Variants in DLG2 observed in about 807,000 individuals in gnomAD.
The protein encoded by DLG2 is disks large homolog 2.
A neutral mutation model predicts 132.5 loss-of-function variants in DLG2; 45 were observed. The ratio of observed to expected loss-of-function variants is 0.34; its 90% CI spans 0.27 to 0.44. The LOEUF is 0.44. Among genes scored for constraint, DLG2 ranks in the 20% least tolerant of loss-of-function variants. The probability of loss-of-function intolerance (pLI) is 1.00; values close to 1 mark genes in which losing one functional copy is unlikely to be tolerated. For synonymous variants in DLG2, 424 were observed against 419.6 expected, an observed-to-expected ratio of 1.01 and a Z score of -0.13; for missense variants, 1,045 against 1,196.9, an observed-to-expected ratio of 0.87 and a Z score of 1.87.
chr11:85,145,815 A>C (rs919911933), intron 5 of DLG2, among the ~76,000 whole-genome samples: 1 of 151,562 alleles, frequency 6.6e-6, no homozygotes, highest in Non-Finnish European at 1.5e-5. Flanking sequence ...TATTTCCACC[A>C]CTCTAGAATT....
chr11:84,101,673 G>A (rs1245348232), intron 9 of DLG2, among the ~76,000 whole-genome samples: 1 of 151,906 alleles, frequency 6.6e-6, no homozygotes, highest in Non-Finnish European at 1.5e-5. Flanking sequence ...CAGAGGTTTG[G>A]GAAGAAAAAA....
chr11:83,554,123 A>G (rs1263349662), intron 19 of DLG2, among the ~76,000 whole-genome samples: 4 of 151,964 alleles, frequency 2.6e-5, no homozygotes, highest in African/African-American at 9.7e-5. Flanking sequence ...GGTTCAAGCA[A>G]TCCTCCTGCC....
intron 18 of DLG2, among the ~76,000 whole-genome samples, chr11:83,713,378 C>T (rs980118310): frequency 3.9e-5 from 6 of 152,148 alleles, no homozygotes; most frequent in Admixed American, 6.5e-5. Context: ...GCATAAAAGA[C>T]GGATTTCCAG....
intron 19 of DLG2, among the ~76,000 whole-genome samples, chr11:83,571,638 T>C (rs777289925): frequency 5.3e-5 from 8 of 151,548 alleles, no homozygotes; most frequent in Non-Finnish European, 8.8e-5. Flanking sequence ...AAGAGAGGCA[T>C]GTGCATTAAT....
intron 7 of DLG2, among the ~76,000 whole-genome samples, chr11:84,315,170 C>A (rs1239775911): frequency 6.6e-6 from 1 of 152,012 alleles, no homozygotes; most frequent in Non-Finnish European, 1.5e-5. Flanking sequence ...TATTTCAATC[C>A]TTGAAAGCAT....
At chr11:83,701,724 C>G (rs1436563056) in intron 18 of DLG2, among the ~76,000 whole-genome samples, 12 of 152,158 alleles carry the variant, frequency 7.9e-5, no homozygotes, top group Admixed American at 7.9e-4. Context: ...TGTGTATATA[C>G]AAGGCATTCA....
intron 18 of DLG2, among the ~76,000 whole-genome samples, chr11:83,759,729 A>G (rs749299047): frequency 2.0e-5 from 3 of 152,164 alleles, no homozygotes; most frequent in Non-Finnish European, 2.9e-5. Context: ...GTGGTTTTAA[A>G]TGGAGAAAGA....
At chr11:83,723,855 CA>C (rs935848911) in intron 18 of DLG2, among the ~76,000 whole-genome samples, 41 of 150,866 alleles carry the variant, frequency 2.7e-4, no homozygotes, top group Non-Finnish European at 4.3e-4. Context: ...GATCACATCT[CA>C]AAAAAAATAA....
intron 3 of DLG2, among the ~76,000 whole-genome samples, chr11:85,391,930 C>G (rs1199427986): frequency 2.0e-5 from 3 of 152,126 alleles, no homozygotes; most frequent in Admixed American, 1.3e-4. Flanking sequence ...ACTAGAAGCC[C>G]TAGCCAGAGC....
At chr11:84,152,007 G>A (rs1422344927) in intron 9 of DLG2, among the ~76,000 whole-genome samples, 1 of 152,170 alleles carries the variant, frequency 6.6e-6, no homozygotes, top group African/African-American at 2.4e-5. Flanking sequence ...CAGACAAGAA[G>A]AATGTACTTT....
intron 6 of DLG2, among the ~76,000 whole-genome samples, chr11:84,985,650 T>G (rs1446779074): frequency 6.6e-6 from 1 of 151,530 alleles, no homozygotes; most frequent in African/African-American, 2.4e-5. Flanking sequence ...TAAATGAAAC[T>G]GAAACAAAAT....
intron 6 of DLG2, among the ~76,000 whole-genome samples, chr11:84,693,658 A>G (rs1323147581): frequency 6.6e-6 from 1 of 151,564 alleles, no homozygotes; most frequent in Non-Finnish European, 1.5e-5. Context: ...TAAAGCCCCA[A>G]TTGTCTCACC....
intron 7 of DLG2, among the ~76,000 whole-genome samples, chr11:84,312,166 T>C (rs2098294145): frequency 6.6e-6 from 1 of 152,168 alleles, no homozygotes; most frequent in South Asian, 2.1e-4. Context: ...ATTTATATCC[T>C]CATTTTATAA....
chr11:85,427,801 TA>T (rs1369039086), intron 3 of DLG2, among the ~76,000 whole-genome samples: 1 of 152,160 alleles, frequency 6.6e-6, no homozygotes, highest in Non-Finnish European at 1.5e-5. Flanking sequence ...GTAAATGGAC[TA>T]AATGCTCCAA....
intron 4 of DLG2, among the ~76,000 whole-genome samples, chr11:85,186,095 C>T (rs2080075003): frequency 6.6e-6 from 1 of 151,958 alleles, no homozygotes; most frequent in Non-Finnish European, 1.5e-5. Flanking sequence ...CATGTGCCTA[C>T]ACTGTAGATT....
At chr11:84,779,141 T>G (rs948096510) in intron 6 of DLG2, among the ~76,000 whole-genome samples, 1 of 152,068 alleles carries the variant, frequency 6.6e-6, no homozygotes, top group South Asian at 2.1e-4. Flanking sequence ...CACGTTGTGA[T>G]TGTGTGAGTA....
At chr11:84,017,070 A>T (rs1482383649) in intron 11 of DLG2, among the ~76,000 whole-genome samples, 1 of 152,048 alleles carries the variant, frequency 6.6e-6, no homozygotes, top group African/African-American at 2.4e-5. Context: ...ACTTCAAGGA[A>T]AAAAAAGGAG....
intron 7 of DLG2, among the ~76,000 whole-genome samples, chr11:84,287,027 T>G (rs1339838470): frequency 6.6e-6 from 1 of 152,170 alleles, no homozygotes; most frequent in Non-Finnish European, 1.5e-5. Context: ...TAAAGTGGGT[T>G]TGATAATGAT....
chr11:84,384,599 A>T (rs547997398), intron 7 of DLG2, among the ~76,000 whole-genome samples: 1 of 152,144 alleles, frequency 6.6e-6, no homozygotes. Flanking sequence ...TTAAAACTGC[A>T]ATTTGGAAAA....
Sources: allele counts gnomAD v4.1 joint callset (sites outside exome capture counted in the v4.1 genomes callset), GRCh38; gene constraint gnomAD v4.1.1; transcripts MANE v1.5; gene names NCBI Gene and HGNC (gene_info 2026-07-23, HGNC 2026-07-21).